Variants in CADM2 observed in about 807,000 individuals in gnomAD.
CADM2 encodes immunoglobulin superfamily member 4D.
Under a neutral mutation model 49.8 loss-of-function variants are expected in CADM2, and 12 were observed. The observed-to-expected ratio is 0.24, with a 90% CI of 0.15 to 0.39. The LOEUF (loss-of-function observed/expected upper bound fraction) is 0.39, where lower values mean the gene tolerates loss of function less well. Ranked by LOEUF, CADM2 falls within the 10% of genes least tolerant of loss-of-function variation. CADM2 has a pLI of 1.00. For missense variants in CADM2, 378 were observed against 492.3 expected, an observed-to-expected ratio of 0.77 and a Z score of 2.20; for synonymous variants, 214 against 175.4, an observed-to-expected ratio of 1.22 and a Z score of -1.74.
At chr3:85,949,196 A>G (rs900812616) in intron 7 of CADM2, among the ~76,000 whole-genome samples, 2 of 151,350 alleles carry the variant, frequency 1.3e-5, no homozygotes, top group Non-Finnish European at 3.0e-5. Flanking sequence ...AATTTATATG[A>G]CTTTTTTTTA....
At chr3:85,807,369 G>A (rs1399197793) in intron 3 of CADM2, among the ~76,000 whole-genome samples, 1 of 151,830 alleles carries the variant, frequency 6.6e-6, no homozygotes, top group Non-Finnish European at 1.5e-5. Flanking sequence ...CATGGTGGCG[G>A]ATGCCAATAA....
At chr3:85,071,363 T>A (rs1454968772) in intron 1 of CADM2, among the ~76,000 whole-genome samples, 1 of 152,060 alleles carries the variant, frequency 6.6e-6, no homozygotes, top group African/African-American at 2.4e-5. Context: ...TAAAATGTGG[T>A]TAGGAAGCAT....
At chr3:85,869,681 T>C (rs2108348897) in intron 3 of CADM2, among the ~76,000 whole-genome samples, 1 of 152,142 alleles carries the variant, frequency 6.6e-6, no homozygotes, top group Middle Eastern at 3.4e-3. Flanking sequence ...TATTTTGAGA[T>C]GGAGTCTCAC....
intron 1 of CADM2, among the ~76,000 whole-genome samples, chr3:85,290,865 C>G (rs1267641747): frequency 1.3e-5 from 2 of 152,196 alleles, no homozygotes; most frequent in Non-Finnish European, 1.5e-5. Flanking sequence ...ACTGGAAACT[C>G]TAAAAAGCAG....
chr3:85,990,557 G>C (rs971896032), intron 8 of CADM2, among the ~76,000 whole-genome samples: 3 of 152,120 alleles, frequency 2.0e-5, no homozygotes, highest in African/African-American at 7.2e-5. Flanking sequence ...ACTTGATAAG[G>C]CTGCTTTGTT....
intron 1 of CADM2, among the ~76,000 whole-genome samples, chr3:85,352,830 T>C (rs758763018): frequency 2.0e-4 from 31 of 152,136 alleles, no homozygotes; most frequent in Non-Finnish European, 4.3e-4. Flanking sequence ...ACTGTATCCA[T>C]GTGGTTCTGG....
intron 1 of CADM2, among the ~76,000 whole-genome samples, chr3:85,466,770 T>C (rs563170910): frequency 1.3e-5 from 2 of 151,546 alleles, no homozygotes; most frequent in African/African-American, 4.8e-5. Flanking sequence ...CCTTGCTGTA[T>C]TTTTTTTTCA....
At chr3:85,793,341 A>G (rs1329062455) in intron 2 of CADM2, among the ~76,000 whole-genome samples, 1 of 152,230 alleles carries the variant, frequency 6.6e-6, no homozygotes, top group African/African-American at 2.4e-5. Context: ...GCAGCCAAAG[A>G]AAAACTAGCA....
In CADM2 at chr3:85,605,571, T is replaced by C. The variant is rs565141621; in HGVS notation, c.62-120951T>C. Among the ~76,000 whole-genome samples the C allele has an allele frequency of 2.6e-5, 4 of 152,168 alleles. No homozygotes were observed. The South Asian group carries it at 8.3e-4, about 32-fold the overall frequency. ...AAATTAGAATCCAGACCTCCAACTGTTCAGTGTTTTCTATGTTCCTGTGCT... is the reference window on the plus strand; with the variant it reads ...AAATTAGAATCCAGACCTCCAACTGCTCAGTGTTTTCTATGTTCCTGTGCT... On this transcript the variant is annotated intron_variant, in intron 1 of 9. Coordinates refer to ENST00000383699, the MANE Select transcript of CADM2 (RefSeq NM_001167675.2).
intron 1 of CADM2, among the ~76,000 whole-genome samples, chr3:85,722,680 C>T (rs1403533843): frequency 6.6e-6 from 1 of 151,934 alleles, no homozygotes; most frequent in African/African-American, 2.4e-5. Flanking sequence ...AATATATGAC[C>T]CTTGTGTTAT....
intron 1 of CADM2, among the ~76,000 whole-genome samples, chr3:85,045,419 A>G (rs1207024229): frequency 6.6e-6 from 1 of 152,118 alleles, no homozygotes; most frequent in Non-Finnish European, 1.5e-5. Context: ...CTTTGTGCTC[A>G]TGCATTTTGA....
At chr3:85,287,841 G>A (rs922564902) in intron 1 of CADM2, among the ~76,000 whole-genome samples, 2 of 150,864 alleles carry the variant, frequency 1.3e-5, no homozygotes, top group African/African-American at 2.4e-5. Flanking sequence ...GCAAACTATC[G>A]CAAGGACCAA....
chr3:86,058,408 G>A (rs1287142837), intron 8 of CADM2, among the ~76,000 whole-genome samples: 5 of 151,964 alleles, frequency 3.3e-5, no homozygotes, highest in Non-Finnish European at 7.4e-5. Context: ...CCATTTCAGA[G>A]TATTGATACA....
intron 5 of CADM2, among the ~76,000 whole-genome samples, chr3:85,887,969 G>C (rs1394607478): frequency 6.6e-6 from 1 of 152,138 alleles, no homozygotes; most frequent in Admixed American, 6.5e-5. Flanking sequence ...GAATTCTCCA[G>C]GCAGTGAACT....
At chr3:85,158,787 C>T (rs1433778252) in intron 1 of CADM2, among the ~76,000 whole-genome samples, 3 of 151,870 alleles carry the variant, frequency 2.0e-5, no homozygotes, top group Non-Finnish European at 4.4e-5. Flanking sequence ...CAGATGTATA[C>T]ATATGTAACT....
chr3:85,369,453 C>A (rs997319059), intron 1 of CADM2, among the ~76,000 whole-genome samples: 1 of 151,936 alleles, frequency 6.6e-6, no homozygotes, highest in African/African-American at 2.4e-5. Context: ...GCCAACATGG[C>A]GAAACCCCAT....
At chr3:85,732,035 G>C (rs2067953698) in intron 2 of CADM2, among the ~76,000 whole-genome samples, 1 of 145,026 alleles carries the variant, frequency 6.9e-6, no homozygotes, top group African/African-American at 2.6e-5. Flanking sequence ...ATCACTTGAG[G>C]TCATGAGATC....
chr3:85,531,522 A>T (rs2061308498), intron 1 of CADM2, among the ~76,000 whole-genome samples: 2 of 152,218 alleles, frequency 1.3e-5, no homozygotes, highest in Admixed American at 6.5e-5. Flanking sequence ...GATTTTCCTC[A>T]AATGGATATT....
chr3:86,014,346 A>G, intron 8 of CADM2: 1 of 1,396,776 alleles, frequency 7.2e-7, no homozygotes. Context: ...CCAGGGGCAA[A>G]CCTCTGATGT....
Sources: allele counts gnomAD v4.1 joint callset (sites outside exome capture counted in the v4.1 genomes callset), GRCh38; gene constraint gnomAD v4.1.1; transcripts MANE v1.5; gene names NCBI Gene and HGNC (gene_info 2026-07-23, HGNC 2026-07-21).